Variants in ERC2 observed in about 807,000 individuals in gnomAD.
The protein encoded by ERC2 is ELKS/RAB6-interacting/CAST family member 2.
ERC2 carries 42 observed loss-of-function variants against 114.8 expected under a neutral mutation model. The observed-to-expected ratio is 0.37, with a 90% CI of 0.29 to 0.47. The LOEUF (loss-of-function observed/expected upper bound fraction) is 0.47. Among genes scored for constraint, ERC2 ranks in the 20% least tolerant of loss-of-function variants. ERC2 has a pLI of 0.99. For synonymous variants in ERC2, 454 were observed against 425.5 expected (o/e 1.07, Z -0.82); for missense variants, 939 against 1,150.7 (o/e 0.82, Z 2.66).
chr3:55,756,280 T>TAA (rs1344647118), intron 14 of ERC2, among the ~76,000 whole-genome samples: 3 of 152,216 alleles, frequency 2.0e-5, no homozygotes, highest in African/African-American at 4.8e-5. Context: ...TGTACCTACA[T>TAA]AATAGAAGGC....
At chr3:55,815,359 A>T (rs2059869635) in intron 14 of ERC2, among the ~76,000 whole-genome samples, 1 of 152,204 alleles carries the variant, frequency 6.6e-6, no homozygotes, top group Non-Finnish European at 1.5e-5. Context: ...TGCCTTTAAA[A>T]CAGGCAAATT....
chr3:55,747,702 T>C (rs765715287), intron 14 of ERC2, among the ~76,000 whole-genome samples: 8 of 152,182 alleles, frequency 5.3e-5, no homozygotes, highest in Non-Finnish European at 1.0e-4. Context: ...CTTTGCAAAG[T>C]TTCACCAATG....
intron 2 of ERC2, among the ~76,000 whole-genome samples, chr3:56,339,409 G>A (rs536351428): frequency 6.6e-6 from 1 of 152,148 alleles, no homozygotes; most frequent in South Asian, 2.1e-4. Flanking sequence ...AGGTATGAAG[G>A]GAACTGGGAG....
chr3:55,701,863 A>C (rs2063239499), intron 15 of ERC2, among the ~76,000 whole-genome samples: 1 of 152,148 alleles, frequency 6.6e-6, no homozygotes, highest in African/African-American at 2.4e-5. Flanking sequence ...TGAACTAATA[A>C]ATCTGGAATT....
chr3:55,690,332 A>T (rs530571413), intron 16 of ERC2, among the ~76,000 whole-genome samples: 1 of 152,270 alleles, frequency 6.6e-6, no homozygotes, highest in South Asian at 2.1e-4. Context: ...CAGTTATAGA[A>T]AAAAAGAGAG....
Position 56,042,349 on chromosome 3 carries a change from C to T in ERC2, c.1642-23318G>A, listed in dbSNP as rs201639982. On this transcript the variant is annotated intron_variant, in intron 7 of 17. Transcript: ENST00000288221. ...GTTGGCTGAAATGCCAAACACAAAG[C>T]GAAGAAGAGGAGCTTCCTAATACCA... Among the ~76,000 whole-genome samples the T allele has an allele frequency of 9.2e-5, 14 of 152,304 alleles. No individual in the cohort carries two copies. The East Asian group carries it at 2.1e-3, about 23-fold the overall frequency.
rs143383355 is a variant in ERC2 at position 56,106,951 on chromosome 3, C to A, written c.1474-25967G>T. On this transcript the variant is annotated intron_variant, in intron 6 of 17. Transcript: ENST00000288221. The stretch of plus-strand genomic sequence containing the variant: ...GACCTAATCACCACGGTGAATCAAT[C>A]AGAGGTGATCAGGTGTTAGGCCCAG... 5.9e-3 allele frequency among the ~76,000 whole-genome samples: 895 copies of A among 152,260 alleles called. 17 individuals carry two copies. Among genetic ancestry groups the A allele is most frequent in the African/African-American group, 0.02 (848 of 41,552 alleles).
At chr3:55,664,525 G>A (rs2061275633) in intron 17 of ERC2, among the ~76,000 whole-genome samples, 1 of 152,214 alleles carries the variant, frequency 6.6e-6, no homozygotes, top group South Asian at 2.1e-4. Context: ...CAGAGGAGAC[G>A]CCAGGCGGTG....
chr3:56,087,030 A>C (rs2077539311), intron 6 of ERC2, among the ~76,000 whole-genome samples: 1 of 152,168 alleles, frequency 6.6e-6, no homozygotes, highest in Non-Finnish European at 1.5e-5. Flanking sequence ...GAAAATTAGA[A>C]CTGTATGATA....
chr3:55,929,838 G>C (rs141409095), intron 13 of ERC2, among the ~76,000 whole-genome samples: 5 of 152,236 alleles, frequency 3.3e-5, no homozygotes, highest in African/African-American at 1.2e-4. Context: ...ACATGCCTGC[G>C]TTCCCTTCCC....
intron 14 of ERC2, among the ~76,000 whole-genome samples, chr3:55,757,067 C>A (rs1362722121): frequency 6.6e-6 from 1 of 152,138 alleles, no homozygotes; most frequent in African/African-American, 2.4e-5. Flanking sequence ...AAAAACTTCT[C>A]CCTGAACTAA....
intron 3 of ERC2, among the ~76,000 whole-genome samples, chr3:56,204,285 G>GT (rs1292088867): frequency 1.5e-4 from 23 of 152,094 alleles, no homozygotes; most frequent in Non-Finnish European, 4.4e-5. Flanking sequence ...TCACAACAGA[G>GT]TACTCTCATC....
At chr3:56,410,375 T>A (rs1380105533) in intron 2 of ERC2, among the ~76,000 whole-genome samples, 2 of 152,308 alleles carry the variant, frequency 1.3e-5, no homozygotes, top group East Asian at 3.9e-4. Flanking sequence ...ATTAACAAAA[T>A]TACTCTATAG....
At chr3:56,361,728 A>C (rs569818111) in intron 2 of ERC2, among the ~76,000 whole-genome samples, 23 of 152,256 alleles carry the variant, frequency 1.5e-4, no homozygotes, top group Non-Finnish European at 3.1e-4. Flanking sequence ...CAGCCAAGCC[A>C]ACTTGAGTAG....
chr3:56,352,913 T>G (rs996992125), intron 2 of ERC2, among the ~76,000 whole-genome samples: 1 of 152,030 alleles, frequency 6.6e-6, no homozygotes, highest in Non-Finnish European at 1.5e-5. Context: ...CTTCTTCAAA[T>G]CTGGCAAAAA....
intron 2 of ERC2, among the ~76,000 whole-genome samples, 191 bp from the exon 3 acceptor site, chr3:56,296,626 A>G (rs1287974582): frequency 6.6e-6 from 1 of 152,232 alleles, no homozygotes; most frequent in Non-Finnish European, 1.5e-5. Flanking sequence ...AGATTAATTC[A>G]GTGATGCTTT....
At chr3:55,538,697 C>T (rs949007273) in intron 17 of ERC2, among the ~76,000 whole-genome samples, 2 of 152,218 alleles carry the variant, frequency 1.3e-5, no homozygotes, top group Non-Finnish European at 2.9e-5. Flanking sequence ...GTAAATCCCT[C>T]TCTGGCTGCT....
At chr3:55,963,002 A>G (rs2068496267) in intron 12 of ERC2, among the ~76,000 whole-genome samples, 1 of 152,214 alleles carries the variant, frequency 6.6e-6, no homozygotes, top group Admixed American at 6.5e-5. Flanking sequence ...TTGGTTGACT[A>G]TTAGAGAACT....
intron 17 of ERC2, among the ~76,000 whole-genome samples, chr3:55,673,669 AC>A (rs1469011524): frequency 2.6e-5 from 4 of 152,232 alleles, no homozygotes; most frequent in African/African-American, 9.6e-5. Flanking sequence ...GTGCCCCAGC[AC>A]CAGGGGAGAC....
Sources: gnomAD v4.1 joint callset for allele counts (sites outside exome capture counted in the v4.1 genomes callset) on GRCh38, gnomAD v4.1.1 for gene constraint, MANE v1.5 for transcripts, NCBI Gene and HGNC (gene_info 2026-07-23, HGNC 2026-07-21) for gene names.